Variants in TUBGCP2 observed in about 807,000 individuals in gnomAD.
The protein encoded by TUBGCP2 is gamma-tubulin complex component 2.
Under a neutral mutation model 92.2 loss-of-function variants are expected in TUBGCP2, and 55 were observed. That is an observed-to-expected ratio of 0.60 (90% confidence interval 0.48 to 0.75). The LOEUF is 0.75. Ranked by LOEUF, TUBGCP2 falls within the 30% of genes least tolerant of loss-of-function variation. The pLI, the probability that TUBGCP2 is intolerant of heterozygous loss-of-function variation, is 0.00. For missense variants in TUBGCP2, 1,093 were observed against 1,188.9 expected (o/e 0.92, Z 1.19); for synonymous variants, 533 against 505.2 (o/e 1.06, Z -0.74).
chr10:133,308,780 A>C, intron 1 of TUBGCP2, 43 bp downstream of exon 1: 3 of 409,002 alleles, frequency 7.3e-6, no homozygotes, highest in African/African-American at 2.1e-5. Flanking sequence ...GCAGTCCCCC[A>C]ACCCCCTCAT....
intron 13 of TUBGCP2, among the ~76,000 whole-genome samples, chr10:133,284,262 C>T (rs141657262): frequency 0.016 from 2,508 of 152,348 alleles, 44 homozygotes; most frequent in South Asian, 0.052. Flanking sequence ...GACTGGGACG[C>T]GGGCTCCTTG....
rs1405038078 is a variant in TUBGCP2 at position 133,293,672 on chromosome 10, C to T, written c.714G>A (p.Leu238=). The T allele has an allele frequency of 6.2e-7, 1 of 1,600,918 alleles. No homozygotes were observed. The highest frequency in any genetic ancestry group is 8.5e-7 in the Non-Finnish European group (1 of 1,174,534). The change falls in exon 6 of 18, where the codon CTG becomes CTA. Residue 238 remains leucine (L), a synonymous_variant. Coordinates refer to ENST00000252936, the MANE Select transcript of TUBGCP2 (RefSeq NM_006659.4). ...GGAAGGTCCGGCTCTGCCTCCCAGC[C>T]AGGGGCTGAGCACTGACGTACCTCC... ...VDGRYVSAQP[L]AGRQSRTFLV... is the part of the protein sequence containing the mutation.
chr10:133,301,872 A>C lies in TUBGCP2; in HGVS notation c.150+920T>G, dbSNP rs1209019110. 1.3e-5 allele frequency: 2 copies of C among 151,488 alleles called. 1 individual carries two copies. The highest frequency in any genetic ancestry group is 4.2e-4 in the South Asian group (2 of 4,762). The allele number at this position is 151,488 out of a possible 1,614,324, so 9.4% of individuals were successfully genotyped here. On this transcript the variant is annotated intron_variant, in intron 2 of 17. Coordinates refer to ENST00000252936, the MANE Select transcript of TUBGCP2 (RefSeq NM_006659.4). The stretch of plus-strand genomic sequence containing the variant: ...TGGGATTACAGGTGCCCGCCACCAC[A>C]CCCAGCTAATTTTTTGTATTTTTAG...
chr10:133,290,376 C>T (rs1847254223), intron 8 of TUBGCP2: 1 of 166,064 alleles, frequency 6.0e-6, no homozygotes, highest in African/African-American at 2.4e-5. Flanking sequence ...ACCTGTAGTC[C>T]CAGCTACTTG....
At chr10:133,288,694 T>G in intron 10 of TUBGCP2, 146 bp downstream of exon 10, 2 of 995,102 alleles carry the variant, frequency 2.0e-6, no homozygotes, top group Non-Finnish European at 2.9e-6. Flanking sequence ...GCCAGGTCCT[T>G]GAGCTAGAGA....
chr10:133,300,991 T>C (rs1043920008), intron 2 of TUBGCP2, among the ~76,000 whole-genome samples: 12 of 152,104 alleles, frequency 7.9e-5, no homozygotes, highest in African/African-American at 2.9e-4. Context: ...TACTGGAGAG[T>C]AGCGACTTAC....
Position 133,285,427 on chromosome 10 carries a change from T to C in TUBGCP2, c.1895+29A>G, listed in dbSNP as rs772760847. 6.2e-7 allele frequency: 1 copy of C among 1,613,052 alleles called. No homozygotes were observed. Among genetic ancestry groups the C allele is most frequent in the South Asian group, 1.1e-5 (1 of 90,930 alleles). ...CTTCTGCCAAACCTGAGTGAAGATCTGGCAGGTGCCCGAGCAGCCGACCCG... is the reference window on the plus strand; with the variant it reads ...CTTCTGCCAAACCTGAGTGAAGATCCGGCAGGTGCCCGAGCAGCCGACCCG... On this transcript the variant is annotated intron_variant, in intron 12 of 17. Coordinates refer to ENST00000252936, the MANE Select transcript of TUBGCP2 (RefSeq NM_006659.4). The surrounding 1 kb of genome is among the most constrained non-coding windows in gnomAD (Gnocchi z 6.8).
chr10:133,292,658 C>A lies in TUBGCP2; in HGVS notation c.1055G>T (p.Gly352Val). 1 of 1,613,996 alleles carries A rather than the reference C, an allele frequency of 6.2e-7. No homozygotes were observed. The highest frequency in any genetic ancestry group is 8.5e-7 in the Non-Finnish European group (1 of 1,179,992). ...ATSVDKGECL[G>V]GSTLSLLHDR... ...GTGGAGCAGGCTCAGCGTGGACCCCCCAAGACATTCGCCTTTGTCCACCGA... is the reference window on the plus strand; with the variant it reads ...GTGGAGCAGGCTCAGCGTGGACCCCACAAGACATTCGCCTTTGTCCACCGA... Residue 352 changes from glycine (G) to valine (V), a missense_variant, in exon 8 of 18, where the codon GGG becomes GTG. By Grantham distance (109) the Gly-to-Val change is moderately radical. This residue lies in a region of TUBGCP2 where 490 missense variants were observed against 488.5 expected (regional missense o/e 1.00). Coordinates refer to ENST00000252936, the MANE Select transcript of TUBGCP2 (RefSeq NM_006659.4).
intron 6 of TUBGCP2, 130 bp from the exon 7 acceptor site, chr10:133,293,368 T>C (rs949182649): frequency 1.5e-4 from 187 of 1,259,402 alleles, no homozygotes; most frequent in South Asian, 1.8e-4. Context: ...AGGGGAACTT[T>C]TGCCCCAGGA....
chr10:133,289,819 C>CAAGGACCCCAG lies in TUBGCP2; in HGVS notation c.1360+4_1360+5insCTGGGGTCCTT, dbSNP rs1554935351. 6.2e-7 allele frequency: 1 copy of CAAGGACCCCAG among 1,612,724 alleles called. No individual in the cohort carries two copies. The highest frequency in any genetic ancestry group is 8.5e-7 in the Non-Finnish European group (1 of 1,179,758). ...CACCCCAAGTCCCCGCCCGCTGCGC[C>CAAGGACCCCAG]GCACCTGTGCTGAGGATCTTGTCCG... On this transcript the variant is annotated splice_donor_region_variant and intron_variant, in intron 9 of 17. Coordinates refer to ENST00000252936, the MANE Select transcript of TUBGCP2 (RefSeq NM_006659.4).
intron 11 of TUBGCP2, among the ~76,000 whole-genome samples, chr10:133,287,202 C>T (rs1161643338): frequency 6.6e-6 from 1 of 152,178 alleles, no homozygotes; most frequent in African/African-American, 2.4e-5. Flanking sequence ...AGACAGCCGA[C>T]CAAGAGGAAA....
chr10:133,288,283 T>C lies in TUBGCP2; in HGVS notation c.1568A>G (p.Asp523Gly). 1 of 1,613,472 alleles carries C rather than the reference T, an allele frequency of 6.2e-7. No individual in the cohort carries two copies. The highest frequency in any genetic ancestry group is 8.5e-7 in the Non-Finnish European group (1 of 1,179,928). Residue 523 changes from aspartate (D) to glycine (G), a missense_variant, in exon 11 of 18, where the codon GAC becomes GGC. This residue lies in a region of TUBGCP2 where 598 missense variants were observed against 675.5 expected (regional missense o/e 0.89). Transcript: ENST00000252936. ...GAAGTGCACGAAGAAGTCGCCCTGG[T>C]CCATGAGGAAGTAGCGCTTGATGGA... ...LRSIKRYFLM[D>G]QGDFFVHFMD... is the part of the protein sequence containing the mutation.
intron 17 of TUBGCP2, 50 bp from the exon 18 acceptor site, chr10:133,279,951 A>C (rs565577585): frequency 6.3e-7 from 1 of 1,581,142 alleles, no homozygotes; most frequent in South Asian, 1.1e-5. Context: ...CTGCGGGTGC[A>C]TGCTGGGCAG....
intron 4 of TUBGCP2, among the ~76,000 whole-genome samples, chr10:133,298,820 C>T (rs1046023466): frequency 1.2e-4 from 18 of 152,356 alleles, no homozygotes; most frequent in East Asian, 1.9e-4. Context: ...CAGCAAGAAC[C>T]GGCTGGGTCC....
chr10:133,286,186 C>T (rs556993483), intron 11 of TUBGCP2, among the ~76,000 whole-genome samples: 12 of 152,064 alleles, frequency 7.9e-5, no homozygotes, highest in South Asian at 4.2e-4. Context: ...CCATCACAAA[C>T]GCAGAAATGA....
intron 1 of TUBGCP2, among the ~76,000 whole-genome samples, chr10:133,305,030 C>T (rs1011508354): frequency 3.9e-5 from 6 of 152,066 alleles, no homozygotes; most frequent in African/African-American, 1.4e-4. Context: ...GTCTCCCTTT[C>T]CCCGGAGAGT....
At chr10:133,289,772 C>G in intron 9 of TUBGCP2, 52 bp downstream of exon 9, 21 of 94,188 alleles carry the variant, frequency 2.2e-4, no homozygotes, top group Non-Finnish European at 3.3e-4. Context: ...GCAGGAGACT[C>G]TCCAGGCAGA....
In TUBGCP2 at chr10:133,308,675, C is replaced by T. The variant is rs1275710686; in HGVS notation, c.-40+148G>A. ...CCGGTGCAGGCCCGAAGGGCTTCGG[C>T]CCCAGAGTTCGGGGACCGCTGCACA... On this transcript the variant is annotated intron_variant, in intron 1 of 17. Coordinates refer to ENST00000252936, the MANE Select transcript of TUBGCP2 (RefSeq NM_006659.4). 1.5e-5 allele frequency: 4 copies of T among 259,128 alleles called. No homozygotes were observed. The East Asian group carries it at 2.8e-4, about 18-fold the overall frequency. The allele number at this position is 259,128 out of a possible 1,614,324, so 16.1% of individuals were successfully genotyped here.
At chr10:133,282,462 G>T in intron 15 of TUBGCP2, 120 bp from the exon 16 acceptor site, 8 of 1,346,434 alleles carry the variant, frequency 5.9e-6, no homozygotes, top group African/African-American at 3.0e-5. Context: ...GCGGCTGGGG[G>T]TACACAAGCA....
Sources: gnomAD v4.1 joint callset for allele counts (sites outside exome capture counted in the v4.1 genomes callset) on GRCh38, gnomAD v4.1.1 for gene constraint, gnomAD v4.1.1 regional missense constraint, Gnocchi (gnomAD v3.1) non-coding constraint, MANE v1.5 for transcripts, NCBI Gene and HGNC (gene_info 2026-07-23, HGNC 2026-07-21) for gene names.